The following PRKAR2B variants were observed in gnomAD, a reference collection of about 807,000 sequenced individuals.
PRKAR2B encodes the protein protein kinase cAMP-dependent type II regulatory subunit beta, also known as cAMP-dependent protein kinase type II-beta regulatory subunit.
In PRKAR2B, 14 loss-of-function variants were observed where a neutral mutation model predicts 49.9. The ratio of observed to expected loss-of-function variants is 0.28; its 90% CI spans 0.19 to 0.44. The LOEUF is 0.44. PRKAR2B is among the 20% of genes least tolerant of loss of function. The pLI, the probability that PRKAR2B is intolerant of heterozygous loss-of-function variation, is 1.00. For synonymous variants in PRKAR2B, 196 were observed against 197.7 expected (o/e 0.99, Z 0.07); for missense variants, 393 against 537.9 (o/e 0.73, Z 2.67).
Position 107,076,869 on chromosome 7 carries a change from G to A in PRKAR2B, c.343+6553G>A, listed in dbSNP as rs529314058. On this transcript the variant is annotated intron_variant, in intron 2 of 10. Transcript: ENST00000265717. ...TTACAAATCTCAGTGAAATCACCCT[G>A]AACAGAAATGATTATTCCCCAAGAA... Among the ~76,000 whole-genome samples, 5 of 152,274 alleles carry A rather than the reference G, an allele frequency of 3.3e-5. No homozygotes were observed. The South Asian group carries it at 1.0e-3, about 32-fold the overall frequency.
rs530418036 is a variant in PRKAR2B, at chr7:107,141,519, C to T, written c.587+566C>T. ...CAGCCTGACCAACATGGTGAAACCCCGTCTCTACTAAATACAAAAAAAATT... is the reference window on the plus strand; with the variant it reads ...CAGCCTGACCAACATGGTGAAACCCTGTCTCTACTAAATACAAAAAAAATT... On this transcript the variant is annotated intron_variant, in intron 5 of 10. Transcript: ENST00000265717. Among the ~76,000 whole-genome samples the T allele has an allele frequency of 5.3e-5, 8 of 152,076 alleles. No homozygotes were observed. The South Asian group carries it at 6.3e-4, about 12-fold the overall frequency.
chr7:107,120,761 A>T (rs1015202629), intron 2 of PRKAR2B, among the ~76,000 whole-genome samples: 2 of 152,096 alleles, frequency 1.3e-5, no homozygotes, highest in African/African-American at 4.8e-5. Context: ...TCATGACATT[A>T]AAAATAAATA....
Position 107,135,213 on chromosome 7 carries a change from G to A in PRKAR2B, c.481-5634G>A, listed in dbSNP as rs543946862. ...CAAAAAATTTTCAACGTGGTTAGTCGTTAGAGAAATACAAATCAAAACTAC... is the reference window on the plus strand; with the variant it reads ...CAAAAAATTTTCAACGTGGTTAGTCATTAGAGAAATACAAATCAAAACTAC... On this transcript the variant is annotated intron_variant, in intron 4 of 10. Transcript: ENST00000265717. 1.8e-3 allele frequency among the ~76,000 whole-genome samples: 271 copies of A among 152,144 alleles called. 1 individual carries two copies. Among genetic ancestry groups the A allele is most frequent in the Non-Finnish European group, 2.6e-3 (178 of 67,972 alleles).
rs565594445 is a variant in PRKAR2B, at chr7:107,050,858, CTGTTTTTGTT to C, written c.307+5652_307+5661del. ...TACTCTCTTTAGACTTCATTTTTTT[CTGTTTTTGTT>C]TGTTTTTTGGTAGAGATGGGTCTTC... On this transcript the variant is annotated intron_variant, in intron 1 of 10. Coordinates refer to ENST00000265717, the MANE Select transcript of PRKAR2B (RefSeq NM_002736.3). 3.3e-3 allele frequency among the ~76,000 whole-genome samples: 495 copies of C among 151,678 alleles called. 1 individual carries two copies. The highest frequency in any genetic ancestry group is 0.011 in the African/African-American group (466 of 41,484).
chr7:107,132,408 T>C (rs1795619245), intron 4 of PRKAR2B, among the ~76,000 whole-genome samples: 1 of 152,130 alleles, frequency 6.6e-6, no homozygotes, highest in Non-Finnish European at 1.5e-5. Flanking sequence ...CTAAGGTCAC[T>C]TTGGTGGTAA....
chr7:107,089,242 T>C (rs558853657), intron 2 of PRKAR2B, among the ~76,000 whole-genome samples: 1 of 152,238 alleles, frequency 6.6e-6, no homozygotes, highest in Admixed American at 6.5e-5. Flanking sequence ...TAGCAATGTG[T>C]AAAGGTCATA....
intron 6 of PRKAR2B, 35 bp from the exon 7 acceptor site, chr7:107,150,887 C>A: frequency 9.3e-7 from 1 of 1,075,708 alleles, no homozygotes; most frequent in Non-Finnish European, 1.4e-6. Flanking sequence ...AGCTTTACCC[C>A]CATAAAATTT....
chr7:107,081,058 A>C (rs1387143589), intron 2 of PRKAR2B, among the ~76,000 whole-genome samples: 4 of 152,212 alleles, frequency 2.6e-5, no homozygotes, highest in Non-Finnish European at 5.9e-5. Context: ...TGGATTTTTC[A>C]AATTTTAACC....
intron 1 of PRKAR2B, among the ~76,000 whole-genome samples, chr7:107,064,296 ATTAC>A (rs753983638): frequency 9.2e-5 from 14 of 152,172 alleles, no homozygotes; most frequent in Non-Finnish European, 1.9e-4. Flanking sequence ...TAATCATTCT[ATTAC>A]TTTCATGTTC....
At position 107,092,270 on chromosome 7, in the gene PRKAR2B, C is replaced by T. The variant is rs185706620; in HGVS notation, c.343+21954C>T. On this transcript the variant is annotated intron_variant, in intron 2 of 10. Transcript: ENST00000265717. ...TTGTGTGTGTGTGTGTGTGTGTGTG[C>T]GTGTGTCTGTGTGTGTGTGTGTGTC... 1.5e-3 allele frequency among the ~76,000 whole-genome samples: 164 copies of T among 110,798 alleles called. 1 individual carries two copies. Among genetic ancestry groups the T allele is most frequent in the Middle Eastern group, 5.4e-3 (1 of 186 alleles). The allele number at this position is 110,798 out of a possible 152,430, so 72.7% of individuals were successfully genotyped here.
chr7:107,118,447 C>G (rs1795320293), intron 2 of PRKAR2B, among the ~76,000 whole-genome samples: 1 of 123,646 alleles, frequency 8.1e-6, no homozygotes. Flanking sequence ...ATCAACCAGT[C>G]ATTTATTTAA....
chr7:107,113,129 T>C (rs781536657), intron 2 of PRKAR2B, among the ~76,000 whole-genome samples: 7 of 152,220 alleles, frequency 4.6e-5, no homozygotes, highest in Non-Finnish European at 1.0e-4. Flanking sequence ...TAGGCAGCAT[T>C]CATCTCAAAA....
Position 107,088,169 on chromosome 7 carries a change from C to T in PRKAR2B, c.343+17853C>T, listed in dbSNP as rs187324833. Among the ~76,000 whole-genome samples the T allele has an allele frequency of 2.1e-3, 321 of 152,256 alleles. 2 individuals carry two copies. The highest frequency in any genetic ancestry group is 7.3e-3 in the African/African-American group (304 of 41,562). On this transcript the variant is annotated intron_variant, in intron 2 of 10. Transcript: ENST00000265717. ...AGGAACCCACAGCTTATCAGGAGAG[C>T]AGTCAGAGTTTGAATCCAGTGAGCC...
intron 2 of PRKAR2B, among the ~76,000 whole-genome samples, chr7:107,098,070 A>G (rs1018046797): frequency 6.6e-6 from 1 of 152,128 alleles, no homozygotes; most frequent in Non-Finnish European, 1.5e-5. Context: ...TTGCTAGGTT[A>G]GGGAAGTTCT....
intron 1 of PRKAR2B, among the ~76,000 whole-genome samples, chr7:107,046,302 TTTTA>T (rs1487906856): frequency 2.0e-5 from 3 of 152,232 alleles, no homozygotes; most frequent in Non-Finnish European, 2.9e-5. Flanking sequence ...TTGCACCAGC[TTTTA>T]TTTATTTACA....
chr7:107,107,199 T>G (rs1795087793), intron 2 of PRKAR2B, among the ~76,000 whole-genome samples: 1 of 152,056 alleles, frequency 6.6e-6, no homozygotes, highest in Non-Finnish European at 1.5e-5. Context: ...TAGCCAGGCA[T>G]GGTGGTGGGC....
At chr7:107,089,782 A>C (rs374174687) in intron 2 of PRKAR2B, among the ~76,000 whole-genome samples, 6 of 152,242 alleles carry the variant, frequency 3.9e-5, no homozygotes, top group East Asian at 1.9e-4. Flanking sequence ...TCAGTTTTGC[A>C]GACTATCATT....
intron 3 of PRKAR2B, among the ~76,000 whole-genome samples, chr7:107,127,911 C>T (rs9656135): frequency 0.15 from 23,388 of 152,176 alleles, 2,949 homozygotes; most frequent in African/African-American, 0.34. Flanking sequence ...TAGCCAGTCA[C>T]AGTTGTGTGC....
intron 2 of PRKAR2B, among the ~76,000 whole-genome samples, chr7:107,096,470 A>ATT (rs879865930): frequency 1.9e-4 from 27 of 144,358 alleles, no homozygotes; most frequent in African/African-American, 6.6e-4. Context: ...GGATTCATTG[A>ATT]TTTTTTTTTT....
Sources: allele counts gnomAD v4.1 joint callset (sites outside exome capture counted in the v4.1 genomes callset), GRCh38; gene constraint gnomAD v4.1.1; transcripts MANE v1.5; gene names NCBI Gene and HGNC (gene_info 2026-07-23, HGNC 2026-07-21).